Variants in CSMD1 observed in about 807,000 individuals in gnomAD.
CSMD1 encodes CUB and Sushi multiple domains 1.
CSMD1 carries 213 observed loss-of-function variants against 417.5 expected under a neutral mutation model. The ratio of observed to expected loss-of-function variants is 0.51; its 90% CI spans 0.46 to 0.57. The LOEUF (loss-of-function observed/expected upper bound fraction) is 0.57. CSMD1 is among the 20% of genes least tolerant of loss of function. CSMD1 has a pLI of 0.00. For missense variants in CSMD1, 6,923 were observed against 4,529.7 expected (o/e 1.53, Z -15.17); for synonymous variants, 2,862 against 1,736.8 (o/e 1.65, Z -16.11).
intron 8 of CSMD1, among the ~76,000 whole-genome samples, chr8:3,606,452 A>G (rs1801618555): frequency 5.9e-5 from 9 of 152,086 alleles, no homozygotes; most frequent in Admixed American, 5.9e-4. Context: ...AAACATAGAA[A>G]AGGAGCAGAA....
chr8:3,940,753 T>A (rs1048540102), intron 5 of CSMD1, among the ~76,000 whole-genome samples: 1 of 152,024 alleles, frequency 6.6e-6, no homozygotes, highest in African/African-American at 2.4e-5. Flanking sequence ...ATTTTTCAAA[T>A]TGTTTTGTTG....
At chr8:4,341,704 A>G (rs1268585585) in intron 3 of CSMD1, among the ~76,000 whole-genome samples, 1 of 152,144 alleles carries the variant, frequency 6.6e-6, no homozygotes, top group Non-Finnish European at 1.5e-5. Flanking sequence ...GAAACCTAAG[A>G]TTAGTCAATA....
At chr8:3,536,217 A>C (rs7832728) in intron 10 of CSMD1, among the ~76,000 whole-genome samples, 11,060 of 152,264 alleles carry the variant, frequency 0.073, 1,112 homozygotes, top group African/African-American at 0.23. Context: ...GCTTTTCAAG[A>C]CTCGAAGCAT....
rs917993811 is a variant in CSMD1, at chr8:3,402,595, T to A, written c.2267-3066A>T. Among the ~76,000 whole-genome samples the A allele has an allele frequency of 2.6e-5, 4 of 152,312 alleles. No individual in the cohort carries two copies. In the East Asian group the frequency reaches 7.7e-4, roughly 29 times the overall value. ...CAGAATAAATAAATAACCTACGCTT[T>A]TAAATAAAAAAATTGCTCTATTGTG... On this transcript the variant is annotated intron_variant, in intron 15 of 69. Transcript: ENST00000635120.
At chr8:4,254,557 A>G (rs1305657759) in intron 3 of CSMD1, among the ~76,000 whole-genome samples, 1 of 152,148 alleles carries the variant, frequency 6.6e-6, no homozygotes, top group Non-Finnish European at 1.5e-5. Context: ...ACAGTAGTGT[A>G]CAGTCATGTC....
At chr8:4,524,283 G>A (rs1368970656) in intron 2 of CSMD1, among the ~76,000 whole-genome samples, 6 of 151,738 alleles carry the variant, frequency 4.0e-5, no homozygotes. Context: ...CCATCTAGTG[G>A]ACAAATATGT....
At chr8:4,314,727 C>A (rs558885486) in intron 3 of CSMD1, among the ~76,000 whole-genome samples, 1 of 152,162 alleles carries the variant, frequency 6.6e-6, no homozygotes, top group African/African-American at 2.4e-5. Flanking sequence ...CACATACATC[C>A]TGTTTTCTCA....
At chr8:4,595,387 C>CTTTTTTTTTTTTTTTT in intron 2 of CSMD1, among the ~76,000 whole-genome samples, 61 of 147,206 alleles carry the variant, frequency 4.1e-4, no homozygotes, top group East Asian at 1.4e-3. Flanking sequence ...CATTCATTTT[C>CTTTTTTTTTTTTTTTT]ATTCCATCCA....
rs565349809 is a variant in CSMD1 at position 4,825,626 on chromosome 8, A to G, written c.85+168706T>C. 2.0e-5 allele frequency among the ~76,000 whole-genome samples: 3 copies of G among 151,960 alleles called. No homozygotes were observed. The East Asian group carries it at 5.8e-4, about 29-fold the overall frequency. Reference sequence around the variant, plus strand: ...AAGAAAAGAAAAAGAGACATGTGAGACTCCCTCAAACTAAAAAGCTTCTGC... The same window carrying G: ...AAGAAAAGAAAAAGAGACATGTGAGGCTCCCTCAAACTAAAAAGCTTCTGC... On this transcript the variant is annotated intron_variant, in intron 1 of 69. Transcript: ENST00000635120.
At chr8:4,099,626 C>A (rs528202926) in intron 3 of CSMD1, among the ~76,000 whole-genome samples, 30 of 151,648 alleles carry the variant, frequency 2.0e-4, no homozygotes, top group African/African-American at 3.6e-4. Flanking sequence ...AAAAAAAAAA[C>A]CTCACTTTCT....
chr8:3,245,655 A>T (rs189478039), intron 26 of CSMD1, among the ~76,000 whole-genome samples: 63 of 152,322 alleles, frequency 4.1e-4, no homozygotes, highest in Admixed American at 1.2e-3. Context: ...TCCAAGTTGC[A>T]AAACGGCCTC....
intron 1 of CSMD1, among the ~76,000 whole-genome samples, chr8:4,658,635 A>G (rs1804387775): frequency 6.6e-6 from 1 of 152,200 alleles, no homozygotes; most frequent in Non-Finnish European, 1.5e-5. Flanking sequence ...ATGAAATAAA[A>G]AGACTTCGGA....
At chr8:3,512,284 T>C (rs575736584) in intron 10 of CSMD1, among the ~76,000 whole-genome samples, 64 of 152,226 alleles carry the variant, frequency 4.2e-4, no homozygotes, top group Non-Finnish European at 8.2e-4. Context: ...GAAGCATTCT[T>C]GAAGATGCAG....
At chr8:3,521,090 T>C (rs1797489196) in intron 10 of CSMD1, among the ~76,000 whole-genome samples, 1 of 152,120 alleles carries the variant, frequency 6.6e-6, no homozygotes, top group Non-Finnish European at 1.5e-5. Context: ...ACTGTCATTA[T>C]CTCCTAAAAG....
At chr8:4,576,710 C>T (rs1799154364) in intron 2 of CSMD1, among the ~76,000 whole-genome samples, 1 of 152,072 alleles carries the variant, frequency 6.6e-6, no homozygotes, top group South Asian at 2.1e-4. Flanking sequence ...GTCTGATAAT[C>T]TCTTTCTAAA....
At chr8:4,409,078 G>C (rs1203752326) in intron 3 of CSMD1, among the ~76,000 whole-genome samples, 1 of 152,172 alleles carries the variant, frequency 6.6e-6, no homozygotes, top group Admixed American at 6.5e-5. Flanking sequence ...TTGGATAGCA[G>C]ACTGTGAAGC....
intron 52 of CSMD1, among the ~76,000 whole-genome samples, chr8:3,009,710 G>C (rs865827217): frequency 3.3e-5 from 5 of 152,134 alleles, no homozygotes; most frequent in African/African-American, 4.8e-5. Context: ...CCCATGCATA[G>C]ATATGCATAT....
At chr8:3,322,859 G>C (rs1053815503) in intron 23 of CSMD1, among the ~76,000 whole-genome samples, 3 of 152,192 alleles carry the variant, frequency 2.0e-5, no homozygotes, top group Non-Finnish European at 4.4e-5. Flanking sequence ...TTGATTTCTG[G>C]TTAACATAAT....
At chr8:4,635,995 T>C (rs1172483427) in intron 2 of CSMD1, among the ~76,000 whole-genome samples, 1 of 151,936 alleles carries the variant, frequency 6.6e-6, no homozygotes, top group Non-Finnish European at 1.5e-5. Flanking sequence ...GCAAATAAAA[T>C]ATATTTGAAA....
Sources: gnomAD v4.1 joint callset for allele counts (sites outside exome capture counted in the v4.1 genomes callset) on GRCh38, gnomAD v4.1.1 for gene constraint, MANE v1.5 for transcripts, NCBI Gene and HGNC (gene_info 2026-07-23, HGNC 2026-07-21) for gene names.